FARSB: variants seen among roughly 807,000 people sequenced by gnomAD.
FARSB encodes phenylalanyl-tRNA synthetase subunit beta.
A neutral mutation model predicts 69.6 loss-of-function variants in FARSB; 40 were observed. That is an observed-to-expected ratio of 0.57 (90% CI 0.45 to 0.75). FARSB has a LOEUF of 0.75. FARSB is among the 30% of genes least tolerant of loss of function. FARSB has a pLI of 0.00. For synonymous variants in FARSB, 235 were observed against 247.2 expected (o/e 0.95, Z 0.46); for missense variants, 632 against 722.9 (o/e 0.87, Z 1.44).
In FARSB at chr2:222,586,696, A is replaced by T. The variant is rs150343813; in HGVS notation, c.1618+13232T>A. On this transcript the variant is annotated intron_variant, in intron 16 of 16. Transcript: ENST00000281828. ...AAGCAAATGGAAAACAAAAAAAAGCAGGTTTTGCAATCCTAGTCTCTGATA... is the reference window on the plus strand; with the variant it reads ...AAGCAAATGGAAAACAAAAAAAAGCTGGTTTTGCAATCCTAGTCTCTGATA... Among the ~76,000 whole-genome samples, 1,152 of 152,324 alleles carry T rather than the reference A, an allele frequency of 7.6e-3. 13 individuals carry two copies. Among genetic ancestry groups the T allele is most frequent in the African/African-American group, 0.027 (1,114 of 41,558 alleles).
intron 6 of FARSB, 116 bp from the exon 7 acceptor site, chr2:222,633,423 C>G: frequency 1.9e-6 from 1 of 535,896 alleles, no homozygotes; most frequent in Non-Finnish European, 3.2e-6. Flanking sequence ...TGGCTCATGC[C>G]TGTAATCCCA....
At chr2:222,645,371 A>C (rs778405965) in intron 2 of FARSB, among the ~76,000 whole-genome samples, 11 of 152,244 alleles carry the variant, frequency 7.2e-5, no homozygotes, top group Non-Finnish European at 1.6e-4. Flanking sequence ...AGCAACTTAT[A>C]AACTACAGAA....
intron 13 of FARSB, among the ~76,000 whole-genome samples, chr2:222,622,139 T>C (rs1052422329): frequency 3.9e-5 from 6 of 152,158 alleles, no homozygotes; most frequent in African/African-American, 1.2e-4. Flanking sequence ...AGGAGTATAC[T>C]GAGAAGAAAT....
chr2:222,614,895 C>G (rs1574933223), intron 14 of FARSB, among the ~76,000 whole-genome samples: 1 of 151,948 alleles, frequency 6.6e-6, no homozygotes, highest in East Asian at 1.9e-4. Context: ...GAATTAGGAC[C>G]AGGAAAAATG....
intron 16 of FARSB, among the ~76,000 whole-genome samples, chr2:222,574,595 C>T (rs1412741253): frequency 6.6e-6 from 1 of 152,152 alleles, no homozygotes; most frequent in Admixed American, 6.6e-5. Context: ...AAGCATGCTG[C>T]CCTATCATCC....
intron 16 of FARSB, among the ~76,000 whole-genome samples, chr2:222,597,526 C>G (rs1394869566): frequency 6.6e-6 from 1 of 151,854 alleles, no homozygotes; most frequent in East Asian, 1.9e-4. Context: ...TGTATGGGTG[C>G]TAAATTATAT....
chr2:222,605,930 A>G (rs1350638434), intron 15 of FARSB, among the ~76,000 whole-genome samples: 3 of 152,160 alleles, frequency 2.0e-5, no homozygotes, highest in African/African-American at 4.8e-5. Flanking sequence ...CTCAAAACAA[A>G]AACAAAAACA....
intron 16 of FARSB, among the ~76,000 whole-genome samples, chr2:222,584,222 A>C (rs1690045540): frequency 6.6e-6 from 1 of 152,192 alleles, no homozygotes; most frequent in South Asian, 2.1e-4. Flanking sequence ...AGAAAAAAAA[A>C]ATTTTGCATA....
intron 5 of FARSB, among the ~76,000 whole-genome samples, chr2:222,637,154 T>C (rs1691602781): frequency 6.6e-6 from 1 of 152,204 alleles, no homozygotes; most frequent in Admixed American, 6.5e-5. Flanking sequence ...ACACTAGATT[T>C]ACTCTTGCCT....
intron 10 of FARSB, among the ~76,000 whole-genome samples, chr2:222,626,200 T>C (rs1254533394): frequency 7.4e-6 from 1 of 135,870 alleles, no homozygotes; most frequent in Non-Finnish European, 1.5e-5. Flanking sequence ...AGTGAGCTGA[T>C]GCTACTGCAC....
chr2:222,653,249 C>A (rs1291743844), intron 1 of FARSB, among the ~76,000 whole-genome samples: 1 of 152,100 alleles, frequency 6.6e-6, no homozygotes, highest in African/African-American at 2.4e-5. Context: ...AAATGGCAAA[C>A]AGCTTGAAAG....
chr2:222,639,019 CA>C (rs1691651413), intron 5 of FARSB, among the ~76,000 whole-genome samples: 1 of 152,120 alleles, frequency 6.6e-6, no homozygotes, highest in Non-Finnish European at 1.5e-5. Flanking sequence ...AGAAATTATA[CA>C]GGTGTGAAGA....
intron 16 of FARSB, among the ~76,000 whole-genome samples, chr2:222,576,239 C>T (rs1204350369): frequency 6.6e-6 from 1 of 151,936 alleles, no homozygotes; most frequent in Non-Finnish European, 1.5e-5. Context: ...TGTAAAAAGT[C>T]ATCTACTCAT....
In FARSB at chr2:222,587,655, T is replaced by TA. The variant is rs201587825; in HGVS notation, c.1618+12272dup. 1.0e-3 allele frequency among the ~76,000 whole-genome samples: 153 copies of TA among 151,926 alleles called. 3 individuals carry two copies. The East Asian group carries it at 0.02, about 20-fold the overall frequency. On this transcript the variant is annotated intron_variant, in intron 16 of 16. Transcript: ENST00000281828. ...AGAGAGAAGAATCAAATAGACGCACTAAAAAAATGATAAAGGGGATATCAC... is the reference window on the plus strand; with the variant it reads ...AGAGAGAAGAATCAAATAGACGCACTAAAAAAAATGATAAAGGGGATATCAC...
At chr2:222,594,847 A>G (rs553739751) in intron 16 of FARSB, among the ~76,000 whole-genome samples, 77 of 152,318 alleles carry the variant, frequency 5.1e-4, no homozygotes, top group African/African-American at 1.7e-3. Context: ...TGTGCATACA[A>G]GAGAGTGAGG....
rs866757350 is a variant in FARSB, at chr2:222,630,704, G to A, written c.787-530C>T. On this transcript the variant is annotated intron_variant, in intron 8 of 16. Coordinates refer to ENST00000281828, the MANE Select transcript of FARSB (RefSeq NM_005687.5). ...AAAAAATTCTTAGAAAAAAAATACCGTGACCTTATTGGAATATATGCTTTA... is the reference window on the plus strand; with the variant it reads ...AAAAAATTCTTAGAAAAAAAATACCATGACCTTATTGGAATATATGCTTTA... 1.6e-4 allele frequency among the ~76,000 whole-genome samples: 24 copies of A among 151,934 alleles called. 1 individual carries two copies. The Middle Eastern group carries it at 0.01, about 65-fold the overall frequency.
At chr2:222,591,380 G>A (rs760591388) in intron 16 of FARSB, among the ~76,000 whole-genome samples, 21 of 152,054 alleles carry the variant, frequency 1.4e-4, no homozygotes, top group East Asian at 9.6e-4. Flanking sequence ...CTGTGCAACC[G>A]GAACTAGAGA....
intron 16 of FARSB, among the ~76,000 whole-genome samples, chr2:222,586,685 CA>C (rs1026515977): frequency 1.3e-5 from 2 of 151,128 alleles, no homozygotes; most frequent in Non-Finnish European, 3.0e-5. Context: ...AAATGGAAAA[CA>C]AAAAAAAGCA....
intron 16 of FARSB, among the ~76,000 whole-genome samples, chr2:222,573,811 A>G (rs2106173132): frequency 6.6e-6 from 1 of 152,294 alleles, no homozygotes; most frequent in Middle Eastern, 3.4e-3. Flanking sequence ...GGTTTTTATG[A>G]ACTTTTATCT....
Sources: allele counts gnomAD v4.1 joint callset (sites outside exome capture counted in the v4.1 genomes callset), GRCh38; gene constraint gnomAD v4.1.1; transcripts MANE v1.5; gene names NCBI Gene and HGNC (gene_info 2026-07-23, HGNC 2026-07-21).